OR51C1: variants seen among roughly 807,000 people sequenced by gnomAD.
OR51C1 encodes olfactory receptor OR51C1.
At chr11:4,696,096 C>T in the OR51C1 span, among the ~76,000 whole-genome samples, 4 of 152,102 alleles carry the variant, frequency 2.6e-5, no homozygotes, top group Non-Finnish European at 4.4e-5. Context: ...GCAATCAAAC[C>T]TGTAATTTAG....
chr11:4,691,876 C>T, the OR51C1 span, among the ~76,000 whole-genome samples: 2 of 152,266 alleles, frequency 1.3e-5, no homozygotes, highest in South Asian at 4.1e-4. Context: ...ATTTCAACTG[C>T]TGTAGTGGGC....
the OR51C1 span, chr11:4,691,524 G>A: frequency 2.2e-6 from 1 of 456,960 alleles, no homozygotes; most frequent in Non-Finnish European, 4.4e-6. Context: ...ATAGTACATT[G>A]GTTCGTGGAG....
At chr11:4,691,016 G>A in the OR51C1 span, 6 of 456,124 alleles carry the variant, frequency 1.3e-5, no homozygotes, top group South Asian at 7.8e-5. Flanking sequence ...GGGAAGCAAC[G>A]CTAAGGACAG....
At chr11:4,690,446 C>T in the OR51C1 span, 1 of 162,742 alleles carries the variant, frequency 6.1e-6, no homozygotes, top group Non-Finnish European at 1.4e-5. Context: ...GAGATAATAA[C>T]AGAAAGGGTG....
the OR51C1 span, among the ~76,000 whole-genome samples, chr11:4,692,864 G>A: frequency 4.0e-5 from 6 of 151,816 alleles, no homozygotes; most frequent in South Asian, 8.4e-4. Flanking sequence ...AAAAAAAAGG[G>A]GGGGTGGGGG....
At chr11:4,691,236 A>G in the OR51C1 span, 1 of 456,960 alleles carries the variant, frequency 2.2e-6, no homozygotes, top group Non-Finnish European at 4.4e-6. Flanking sequence ...TGTCAGCATT[A>G]GGAGCCCCCT....
the OR51C1 span, among the ~76,000 whole-genome samples, chr11:4,697,237 T>C: frequency 2.0e-5 from 3 of 152,206 alleles, no homozygotes; most frequent in African/African-American, 7.2e-5. Flanking sequence ...TTTACTGAAA[T>C]CTACAAGTAA....
chr11:4,695,165 C>T, the OR51C1 span, among the ~76,000 whole-genome samples: 1 of 152,160 alleles, frequency 6.6e-6, no homozygotes, highest in African/African-American at 2.4e-5. Flanking sequence ...TTTTGCAGAG[C>T]ATCAAGAGCC....
chr11:4,691,109 A>T, the OR51C1 span: 2 of 456,610 alleles, frequency 4.4e-6, no homozygotes, highest in African/African-American at 4.0e-5. Context: ...GCCCAACTGC[A>T]CTGTTGATTC....
chr11:4,694,575 T>TACACACACACAC, the OR51C1 span, among the ~76,000 whole-genome samples: 1 of 147,872 alleles, frequency 6.8e-6, no homozygotes, highest in African/African-American at 2.5e-5. Context: ...CATATATATA[T>TACACACACACAC]ACACACACAC....
At chr11:4,695,551 C>T in the OR51C1 span, among the ~76,000 whole-genome samples, 1 of 152,162 alleles carries the variant, frequency 6.6e-6, no homozygotes, top group African/African-American at 2.4e-5. Flanking sequence ...GGAGAACAGT[C>T]TGCTTTTGTT....
chr11:4,690,897 T>C, the OR51C1 span: 1 of 456,538 alleles, frequency 2.2e-6, no homozygotes, highest in South Asian at 1.6e-5. Flanking sequence ...GGCTGGGGCT[T>C]GTTTCCCAAA....
At chr11:4,694,488 G>GTA in the OR51C1 span, among the ~76,000 whole-genome samples, 1,007 of 141,938 alleles carry the variant, frequency 7.1e-3, 12 homozygotes, top group African/African-American at 0.023. Context: ...ATATATACGT[G>GTA]TATATATATA....
the OR51C1 span, chr11:4,692,109 T>C: frequency 4.5e-6 from 2 of 443,378 alleles, no homozygotes; most frequent in Non-Finnish European, 9.0e-6. Context: ...TCCTCTATGG[T>C]TGGCACCAGA....
chr11:4,695,960 A>C, the OR51C1 span, among the ~76,000 whole-genome samples: 1 of 152,128 alleles, frequency 6.6e-6, no homozygotes, highest in Non-Finnish European at 1.5e-5. Flanking sequence ...AAGACTCATA[A>C]ATCTGCAATC....
the OR51C1 span, among the ~76,000 whole-genome samples, chr11:4,694,575 T>TATATATACAC: frequency 2.7e-4 from 40 of 147,952 alleles, no homozygotes; most frequent in South Asian, 6.4e-4. Flanking sequence ...CATATATATA[T>TATATATACAC]ACACACACAC....
the OR51C1 span, among the ~76,000 whole-genome samples, chr11:4,692,609 G>T: frequency 1.3e-5 from 2 of 152,308 alleles, no homozygotes; most frequent in African/African-American, 4.8e-5. Flanking sequence ...AGATAGATGG[G>T]TATGGTTGAG....
the OR51C1 span, chr11:4,690,540 C>A: frequency 7.8e-5 from 17 of 218,458 alleles, no homozygotes; most frequent in Non-Finnish European, 9.3e-6. Flanking sequence ...TAATTTTAGG[C>A]TGTTCATCTC....
chr11:4,692,166 A>G, the OR51C1 span: 1 of 453,656 alleles, frequency 2.2e-6, no homozygotes, highest in South Asian at 1.6e-5. Flanking sequence ...ATTGGTCATA[A>G]GTGTGGAAAG....
Sources: allele counts gnomAD v4.1 joint callset (sites outside exome capture counted in the v4.1 genomes callset), GRCh38; gene constraint gnomAD v4.1.1; transcripts MANE v1.5; gene names NCBI Gene and HGNC (gene_info 2026-07-23, HGNC 2026-07-21).